COL4A3: variants seen among roughly 807,000 people sequenced by gnomAD.
The protein encoded by COL4A3 is collagen type IV alpha 3 chain.
A neutral mutation model predicts 217.4 loss-of-function variants in COL4A3; 135 were observed. The ratio of observed to expected loss-of-function variants is 0.62; its 90% CI spans 0.54 to 0.72. The LOEUF is 0.72. COL4A3 is among the 30% of genes least tolerant of loss of function. The pLI is 0.00. For missense variants in COL4A3, 1,868 were observed against 2,119.9 expected (o/e 0.88, Z 2.33); for synonymous variants, 690 against 736.3 (o/e 0.94, Z 1.02).
At position 227,250,207 on chromosome 2, in the gene COL4A3, G is replaced by T. The variant is rs996675181; in HGVS notation, c.547-933G>T. Among the ~76,000 whole-genome samples the T allele has an allele frequency of 6.6e-6, 1 of 152,138 alleles. No individual in the cohort carries two copies. Among genetic ancestry groups the T allele is most frequent in the African/African-American group, 2.4e-5 (1 of 41,430 alleles). ...GTGCGCCTGTAGTTCCAGCTACTTG[G>T]GAGGCTGAGGCAGGAGAATCACTTG... On this transcript the variant is annotated intron_variant, in intron 9 of 51. Coordinates refer to ENST00000396578, the MANE Select transcript of COL4A3 (RefSeq NM_000091.5). This position sits in a 1 kb window ranked among gnomAD's most constrained non-coding sequence, Gnocchi z 4.1.
intron 25 of COL4A3, among the ~76,000 whole-genome samples, chr2:227,271,391 T>C (rs1429338279): frequency 6.6e-6 from 1 of 152,156 alleles, no homozygotes; most frequent in Non-Finnish European, 1.5e-5. Flanking sequence ...ATTCATTTAA[T>C]TTTATGGAAA....
At chr2:227,273,165 T>C in intron 26 of COL4A3, 48 bp downstream of exon 26, 2 of 1,601,252 alleles carry the variant, frequency 1.2e-6, no homozygotes, top group Non-Finnish European at 1.7e-6. Context: ...AGTGGGTTGA[T>C]GGTTTCTAGA....
At position 227,193,923 on chromosome 2, in the gene COL4A3, G is replaced by A. The variant is rs1193469546; in HGVS notation, c.87+29110G>A. Among the ~76,000 whole-genome samples the A allele has an allele frequency of 2.4e-4, 11 of 46,676 alleles. 1 individual carries two copies. The highest frequency in any genetic ancestry group is 4.7e-4 in the African/African-American group (5 of 10,644). The allele number at this position is 46,676 out of a possible 152,430, so 30.6% of individuals were successfully genotyped here. A position where few individuals can be genotyped will look rare whatever the true frequency, so the allele number is the denominator to read the frequency against. On this transcript the variant is annotated intron_variant, in intron 1 of 51. Transcript: ENST00000396578. The stretch of plus-strand genomic sequence containing the variant: ...GGAAGGGGAGAGAAGGAGAGGAGAA[G>A]GAGAAGGGAAATAAGGAGAGAGGGA...
intron 23 of COL4A3, among the ~76,000 whole-genome samples, chr2:227,269,686 A>G (rs1381263344): frequency 6.6e-6 from 1 of 152,174 alleles, no homozygotes; most frequent in Non-Finnish European, 1.5e-5. Context: ...ATATTCTTAA[A>G]ATTATGAAGA....
At chr2:227,269,663 A>G (rs190729881) in intron 23 of COL4A3, among the ~76,000 whole-genome samples, 23 of 152,288 alleles carry the variant, frequency 1.5e-4, no homozygotes, top group Non-Finnish European at 2.9e-4. Context: ...ATATACTCAG[A>G]AAAAATAAAG....
chr2:227,212,541 A>T (rs568770269), intron 1 of COL4A3, among the ~76,000 whole-genome samples: 2 of 152,332 alleles, frequency 1.3e-5, no homozygotes, highest in East Asian at 3.9e-4. Context: ...CTGTAGTGCC[A>T]GGTCTGCCAT....
At chr2:227,233,720 G>A (rs2068533720) in intron 1 of COL4A3, among the ~76,000 whole-genome samples, 1 of 152,126 alleles carries the variant, frequency 6.6e-6, no homozygotes, top group South Asian at 2.1e-4. Flanking sequence ...GACAATAAAG[G>A]AGGCACCTCA....
In COL4A3 at chr2:227,280,944, G is replaced by A; in HGVS notation, c.2426G>A (p.Cys809Tyr). 1.9e-6 allele frequency: 3 copies of A among 1,568,258 alleles called. No individual in the cohort carries two copies. The highest frequency in any genetic ancestry group is 2.6e-6 in the Non-Finnish European group (3 of 1,155,910). Residue 809 changes from cysteine (C) to tyrosine (Y), a missense_variant, in exon 31 of 52, where the codon TGC becomes TAC. This residue lies in a region of COL4A3 where 1,503 missense variants were observed against 1,786.1 expected (regional missense o/e 0.84). Transcript: ENST00000396578. The part of the protein sequence containing the change: ...PPGEQGPPGR[C>Y]IEGPRGAQGL... The stretch of plus-strand genomic sequence containing the variant: ...GGAGAACAAGGACCCCCAGGAAGGT[G>A]CATAGAGGGTCCCAGGGGAGCCCAA...
At chr2:227,249,228 A>ATTTTTTTTTTTT (rs1437063843) in intron 9 of COL4A3, among the ~76,000 whole-genome samples, 6 of 22,156 alleles carry the variant, frequency 2.7e-4, no homozygotes, top group South Asian at 2.0e-3. Context: ...ATATATATAT[A>ATTTTTTTTTTTT]TATTTTTTTT....
chr2:227,239,869 G>A (rs2068917078), intron 2 of COL4A3, among the ~76,000 whole-genome samples: 1 of 152,050 alleles, frequency 6.6e-6, no homozygotes, highest in Admixed American at 6.6e-5. Flanking sequence ...CTTAAGCTCT[G>A]CTCTACATAG....
chr2:227,195,667 A>G (rs57166636), intron 1 of COL4A3, among the ~76,000 whole-genome samples: 53,437 of 139,338 alleles, frequency 0.38, 10,584 homozygotes, highest in East Asian at 0.64. Flanking sequence ...ATATATATAT[A>G]TGTGTGTGTG....
At position 227,164,991 on chromosome 2, in the gene COL4A3, G is replaced by T. The variant is rs935233961; in HGVS notation, c.87+178G>T. ...CAGCGAGCGGAAGGGAGCAAGCGGG[G>T]ATGCCCCGGAACAGGTGGAATGCGC... On this transcript the variant is annotated intron_variant, in intron 1 of 51. Transcript: ENST00000396578. This position sits in a 1 kb window ranked among gnomAD's most constrained non-coding sequence, Gnocchi z 4.8. Among the ~76,000 whole-genome samples, 10 of 152,344 alleles carry T rather than the reference G, an allele frequency of 6.6e-5. No individual in the cohort carries two copies. Among genetic ancestry groups the T allele is most frequent in the African/African-American group, 2.4e-4 (10 of 41,588 alleles).
rs1056425176 is a variant in COL4A3, at chr2:227,311,897, T to C, written c.*27T>C. On this transcript the variant is annotated 3_prime_UTR_variant, in exon 52 of 52. Transcript: ENST00000396578. Reference sequence around the variant, plus strand: ...GCTAAAAAAGACAGCAGAACTGCTATTTTTCATCCTAAAGAACAAAGTAAT... The same window carrying C: ...GCTAAAAAAGACAGCAGAACTGCTACTTTTCATCCTAAAGAACAAAGTAAT... The C allele has an allele frequency of 6.2e-7, 1 of 1,613,078 alleles. No homozygotes were observed. Among genetic ancestry groups the C allele is most frequent in the African/African-American group, 1.3e-5 (1 of 74,894 alleles).
intron 1 of COL4A3, among the ~76,000 whole-genome samples, chr2:227,229,862 C>G (rs1300442051): frequency 6.6e-6 from 1 of 151,442 alleles, no homozygotes; most frequent in African/African-American, 2.4e-5. Flanking sequence ...TCCTGGCTAA[C>G]AGGGTGACAC....
chr2:227,256,486 A>T (rs554889611), intron 17 of COL4A3, 90 bp downstream of exon 17: 1 of 1,037,072 alleles, frequency 9.6e-7, no homozygotes. Context: ...AGTACAAGGG[A>T]TTACAATAAC....
intron 1 of COL4A3, among the ~76,000 whole-genome samples, chr2:227,187,377 A>T (rs2066071019): frequency 6.6e-6 from 1 of 152,092 alleles, no homozygotes; most frequent in African/African-American, 2.4e-5. Flanking sequence ...TTTGAATAGA[A>T]ATTGACTTTG....
At chr2:227,195,977 A>C (rs2066459393) in intron 1 of COL4A3, among the ~76,000 whole-genome samples, 1 of 152,140 alleles carries the variant, frequency 6.6e-6, no homozygotes, top group Non-Finnish European at 1.5e-5. Flanking sequence ...AGCTTATAGA[A>C]TAAGGATAAA....
chr2:227,309,279 C>T lies in COL4A3; in HGVS notation c.4716C>T (p.His1572=), dbSNP rs755823670. 2.3e-5 allele frequency: 37 copies of T among 1,614,014 alleles called. No homozygotes were observed. Among genetic ancestry groups the T allele is most frequent in the African/African-American group, 6.7e-5 (5 of 74,918 alleles). The part of the protein sequence containing the change: ...SQTTDIPPCP[H]GWISLWKGFS... ...CCACTGACATTCCTCCATGTCCTCA[C>T]GGCTGGATTTCTCTCTGGAAAGGAT... The change falls in exon 50 of 52, where the codon CAC becomes CAT. Residue 1572 remains histidine (H), a synonymous_variant. Coordinates refer to ENST00000396578, the MANE Select transcript of COL4A3 (RefSeq NM_000091.5).
intron 1 of COL4A3, among the ~76,000 whole-genome samples, chr2:227,167,955 T>A (rs996809891): frequency 6.6e-6 from 1 of 152,264 alleles, no homozygotes; most frequent in Non-Finnish European, 1.5e-5. Context: ...GTCTTTCATA[T>A]GTGATAAATA....
Sources: gnomAD v4.1 joint callset for allele counts (sites outside exome capture counted in the v4.1 genomes callset) on GRCh38, gnomAD v4.1.1 for gene constraint, gnomAD v4.1.1 regional missense constraint, Gnocchi (gnomAD v3.1) non-coding constraint, MANE v1.5 for transcripts, NCBI Gene and HGNC (gene_info 2026-07-23, HGNC 2026-07-21) for gene names.